The following SUGP1 variants were observed in gnomAD, a reference collection of about 807,000 sequenced individuals.
SUGP1 encodes SURP and G-patch domain containing 1.
SUGP1 carries 34 observed loss-of-function variants against 76.5 expected under a neutral mutation model. The observed-to-expected ratio is 0.44, with a 90% CI of 0.34 to 0.59. SUGP1 has a LOEUF of 0.59. Ranked by LOEUF, SUGP1 falls within the 20% of genes least tolerant of loss-of-function variation. The probability of loss-of-function intolerance (pLI) is 0.01; values close to 1 mark genes in which losing one functional copy is unlikely to be tolerated. For synonymous variants in SUGP1, 326 were observed against 326.2 expected (o/e 1.00, Z 0.01); for missense variants, 752 against 851.7 (o/e 0.88, Z 1.46).
chr19:19,312,467 G>A (rs149462113), intron 2 of SUGP1, among the ~76,000 whole-genome samples: 15 of 152,216 alleles, frequency 9.9e-5, no homozygotes, highest in African/African-American at 2.6e-4. Flanking sequence ...CCCGCATGAC[G>A]TTCCACCATA....
At chr19:19,277,100 C>G in intron 12 of SUGP1, 24 bp from the exon 13 acceptor site, 14 of 1,599,032 alleles carry the variant, frequency 8.8e-6, no homozygotes, top group Non-Finnish European at 1.1e-5. Context: ...AGGATGTGAG[C>G]AGGGACCTGG....
At chr19:19,292,272 CAAAAAAAAA>C (rs543248625) in intron 8 of SUGP1, among the ~76,000 whole-genome samples, 1 of 61,152 alleles carries the variant, frequency 1.6e-5, no homozygotes, top group Non-Finnish European at 3.4e-5. Flanking sequence ...GACTCCGTCT[CAAAAAAAAA>C]AAAAAAAAAG....
intron 6 of SUGP1, 86 bp downstream of exon 6, chr19:19,303,262 A>G: frequency 8.7e-7 from 1 of 1,153,918 alleles, no homozygotes; most frequent in Non-Finnish European, 1.3e-6. Context: ...GTGCCACTCC[A>G]GCACCTCCAG....
At chr19:19,306,310 G>C (rs964878963) in intron 3 of SUGP1, among the ~76,000 whole-genome samples, 2 of 152,198 alleles carry the variant, frequency 1.3e-5, no homozygotes, top group African/African-American at 2.4e-5. Context: ...GAAGTGGGCC[G>C]CTGTGGCTGG....
intron 3 of SUGP1, 73 bp from the exon 4 acceptor site, chr19:19,306,149 T>C: frequency 7.2e-7 from 1 of 1,387,404 alleles, no homozygotes; most frequent in Admixed American, 2.9e-5. Flanking sequence ...CTAACCTAGG[T>C]GCTGTGGGCC....
At chr19:19,308,981 C>T (rs1028907135) in intron 3 of SUGP1, among the ~76,000 whole-genome samples, 1 of 152,156 alleles carries the variant, frequency 6.6e-6, no homozygotes, top group Non-Finnish European at 1.5e-5. Context: ...ATTCCCCTGC[C>T]TCAGCCTCCC....
chr19:19,283,199 T>TA (rs1179778751), intron 8 of SUGP1, among the ~76,000 whole-genome samples: 1 of 152,204 alleles, frequency 6.6e-6, no homozygotes, highest in Non-Finnish European at 1.5e-5. Context: ...TATCAAAACT[T>TA]ATGCACACAG....
intron 4 of SUGP1, 167 bp from the exon 5 acceptor site, chr19:19,304,014 G>A (rs532795741): frequency 2.5e-6 from 4 of 1,589,458 alleles, no homozygotes; most frequent in Non-Finnish European, 3.4e-6. Context: ...GACGAGGGGG[G>A]AGTCGGTCTC....
chr19:19,297,066 G>A lies in SUGP1; in HGVS notation c.1166C>T (p.Pro389Leu), dbSNP rs1198344499. ...VKRKRKSRWG[P>L]EEDKVELPPA... Reference sequence around the variant, plus strand: ...TGGGAGCTCTACCTTATCCTCTTCAGGCCCCCACCGGCTCTTCCGCTTCCT... The same window carrying A: ...TGGGAGCTCTACCTTATCCTCTTCAAGCCCCCACCGGCTCTTCCGCTTCCT... Residue 389 changes from proline (P) to leucine (L), a missense_variant, in exon 8 of 14, where the codon CCT becomes CTT. By Grantham distance (98) the Pro-to-Leu change is moderately conservative (BLOSUM62 -3). Transcript: ENST00000247001. 1.2e-6 allele frequency: 2 copies of A among 1,613,258 alleles called. No individual in the cohort carries two copies. Among genetic ancestry groups the A allele is most frequent in the Non-Finnish European group, 1.7e-6 (2 of 1,179,956 alleles).
chr19:19,289,471 G>A (rs1013726428), intron 8 of SUGP1, among the ~76,000 whole-genome samples: 1 of 152,092 alleles, frequency 6.6e-6, no homozygotes, highest in African/African-American at 2.4e-5. Context: ...GCGTGGGCTG[G>A]GCATGGTGGC....
At chr19:19,308,395 G>A (rs2061331586) in intron 3 of SUGP1, among the ~76,000 whole-genome samples, 1 of 152,254 alleles carries the variant, frequency 6.6e-6, no homozygotes, top group African/African-American at 2.4e-5. Flanking sequence ...CTACCAAAGG[G>A]AAACAGAGGT....
chr19:19,284,931 T>G (rs2061127872), intron 8 of SUGP1, among the ~76,000 whole-genome samples: 1 of 150,912 alleles, frequency 6.6e-6, no homozygotes, highest in Non-Finnish European at 1.5e-5. Flanking sequence ...CGGACTGCAG[T>G]GGTGTGATCT....
intron 8 of SUGP1, among the ~76,000 whole-genome samples, chr19:19,285,765 T>C (rs2061134980): frequency 6.6e-6 from 1 of 151,182 alleles, no homozygotes; most frequent in Non-Finnish European, 1.5e-5. Context: ...CAGGGTTTTC[T>C]CATGTTGCCC....
chr19:19,278,832 A>C, intron 10 of SUGP1, 36 bp from the exon 11 acceptor site: 1 of 1,589,908 alleles, frequency 6.3e-7, no homozygotes, highest in Non-Finnish European at 8.6e-7. Context: ...AAGAGGGAGA[A>C]GCAGGAAGGA....
intron 3 of SUGP1, among the ~76,000 whole-genome samples, chr19:19,308,764 G>C (rs2061334005): frequency 6.6e-6 from 1 of 152,224 alleles, no homozygotes; most frequent in Non-Finnish European, 1.5e-5. Flanking sequence ...TGTGGGGAAG[G>C]CTTCATCATG....
chr19:19,297,476 T>TGGAGACCGTGA, intron 7 of SUGP1, 132 bp from the exon 8 acceptor site: 1 of 579,724 alleles, frequency 1.7e-6, no homozygotes, highest in Non-Finnish European at 2.8e-6. Context: ...ATAGTCACGG[T>TGGAGACCGTGA]CTCCACCATG....
chr19:19,298,327 G>T (rs973124521), intron 7 of SUGP1, among the ~76,000 whole-genome samples: 1 of 152,056 alleles, frequency 6.6e-6, no homozygotes, highest in East Asian at 1.9e-4. Context: ...GTGAAATCCC[G>T]TCTGTACTAA....
chr19:19,311,343 CAA>C (rs11326181), intron 2 of SUGP1, among the ~76,000 whole-genome samples: 4 of 135,092 alleles, frequency 3.0e-5, no homozygotes, highest in South Asian at 4.5e-4. Flanking sequence ...ATATACTTTG[CAA>C]AAAAAAAAAA....
intron 13 of SUGP1, 126 bp downstream of exon 13, chr19:19,276,821 G>T (rs1317296739): frequency 6.5e-7 from 1 of 1,543,420 alleles, no homozygotes; most frequent in East Asian, 2.3e-5. Context: ...TTGAATGCAG[G>T]TGGGTGGTAG....
Sources: allele counts gnomAD v4.1 joint callset (sites outside exome capture counted in the v4.1 genomes callset), GRCh38; gene constraint gnomAD v4.1.1; transcripts MANE v1.5; gene names NCBI Gene and HGNC (gene_info 2026-07-23, HGNC 2026-07-21).